The following DOK6 variants were observed in gnomAD, a reference collection of about 807,000 sequenced individuals.
The protein encoded by DOK6 is downstream of tyrosine kinase 6.
DOK6 carries 22 observed loss-of-function variants against 44.0 expected under a neutral mutation model. The observed-to-expected ratio is 0.50, with a 90% CI of 0.36 to 0.71. DOK6 has a LOEUF of 0.71. Among genes scored for constraint, DOK6 ranks in the 30% least tolerant of loss-of-function variants. The pLI, the probability that DOK6 is intolerant of heterozygous loss-of-function variation, is 0.00. For missense variants in DOK6, 340 were observed against 416.4 expected (o/e 0.82, Z 1.60); for synonymous variants, 166 against 145.5 (o/e 1.14, Z -1.01).
chr18:69,720,703 A>G (rs1440897924), intron 5 of DOK6, among the ~76,000 whole-genome samples: 1 of 152,192 alleles, frequency 6.6e-6, no homozygotes, highest in African/African-American at 2.4e-5. Flanking sequence ...TAGTGATTGT[A>G]TAATTTTGTC....
intron 3 of DOK6, chr18:69,660,264 G>T (rs758363947): frequency 6.6e-6 from 1 of 152,146 alleles, no homozygotes; most frequent in Non-Finnish European, 1.5e-5. Context: ...AACTCAGAAC[G>T]TTGACTTTAA....
At chr18:69,726,283 A>C (rs78550818) in intron 5 of DOK6, among the ~76,000 whole-genome samples, 4,718 of 151,936 alleles carry the variant, frequency 0.031, 134 homozygotes, top group East Asian at 0.087. Flanking sequence ...TTGAGTCATC[A>C]CTCTGGACTC....
chr18:69,767,195 G>C lies in DOK6; in HGVS notation c.856+9322G>C, dbSNP rs1979744115. 2.0e-5 allele frequency among the ~76,000 whole-genome samples: 3 copies of C among 152,084 alleles called. 1 individual carries two copies. The South Asian group carries it at 6.2e-4, about 32-fold the overall frequency. ...TGCAGTGAGCCAAGATTGCACCACT[G>C]CACTCCAGCCTGGGCGACAGAGTGA... On this transcript the variant is annotated intron_variant, in intron 7 of 7. Transcript: ENST00000382713.
intron 1 of DOK6, among the ~76,000 whole-genome samples, chr18:69,424,198 AG>A (rs1282026029): frequency 1.1e-4 from 17 of 152,200 alleles, no homozygotes; most frequent in South Asian, 1.0e-3. Context: ...TGCTGGGCAT[AG>A]GTTGGCCACA....
intron 7 of DOK6, among the ~76,000 whole-genome samples, chr18:69,805,910 C>A (rs908206374): frequency 6.6e-6 from 1 of 151,794 alleles, no homozygotes; most frequent in Admixed American, 6.6e-5. Flanking sequence ...ACAGTAAAGT[C>A]TATTATAATA....
chr18:69,655,784 C>A (rs12455622), intron 3 of DOK6, among the ~76,000 whole-genome samples: 8,987 of 44,572 alleles, frequency 0.2, 544 homozygotes, highest in African/African-American at 0.25. Flanking sequence ...AAAAAAAAAA[C>A]AAAAGAACAA....
At chr18:69,634,224 A>C (rs1004434740) in intron 3 of DOK6, among the ~76,000 whole-genome samples, 10 of 152,172 alleles carry the variant, frequency 6.6e-5, no homozygotes, top group Non-Finnish European at 1.3e-4. Flanking sequence ...ACCTAGGATT[A>C]TCTCTCAGTG....
intron 1 of DOK6, among the ~76,000 whole-genome samples, chr18:69,493,698 G>T (rs1980802410): frequency 6.6e-6 from 1 of 152,000 alleles, no homozygotes; most frequent in African/African-American, 2.4e-5. Flanking sequence ...TAAGAATTTT[G>T]ATATCTCCTA....
intron 5 of DOK6, among the ~76,000 whole-genome samples, chr18:69,713,479 A>G (rs886754225): frequency 2.0e-5 from 3 of 152,218 alleles, no homozygotes; most frequent in African/African-American, 7.2e-5. Flanking sequence ...CAACTCTCTT[A>G]ACACAAATAT....
chr18:69,704,436 G>A (rs576464932), intron 5 of DOK6, among the ~76,000 whole-genome samples: 1 of 151,306 alleles, frequency 6.6e-6, no homozygotes, highest in African/African-American at 2.4e-5. Flanking sequence ...AGAGTCTGCA[G>A]GCGATTTGTA....
intron 2 of DOK6, among the ~76,000 whole-genome samples, chr18:69,592,284 C>T (rs190413159): frequency 1.6e-3 from 243 of 150,562 alleles, no homozygotes; most frequent in Non-Finnish European, 2.0e-3. Context: ...GTCATGTCTA[C>T]AAAGAAGTGG....
chr18:69,418,996 C>A (rs1978412481), intron 1 of DOK6, among the ~76,000 whole-genome samples: 1 of 152,002 alleles, frequency 6.6e-6, no homozygotes, highest in Non-Finnish European at 1.5e-5. Flanking sequence ...TTTGCAGTTG[C>A]AGTTTAGTGT....
chr18:69,443,256 C>T (rs1979186013), intron 1 of DOK6, among the ~76,000 whole-genome samples: 1 of 152,098 alleles, frequency 6.6e-6, no homozygotes, highest in South Asian at 2.1e-4. Flanking sequence ...ATTTGACTAC[C>T]TGATGAAGGC....
intron 7 of DOK6, among the ~76,000 whole-genome samples, chr18:69,823,582 T>G (rs143512629): frequency 3.9e-5 from 6 of 151,936 alleles, no homozygotes; most frequent in Admixed American, 6.6e-5. Context: ...GAAGCACATT[T>G]CAAACCACAA....
intron 4 of DOK6, among the ~76,000 whole-genome samples, chr18:69,683,533 T>C (rs1359736743): frequency 1.3e-5 from 2 of 152,100 alleles, no homozygotes; most frequent in Admixed American, 1.3e-4. Context: ...GTGAAGATGA[T>C]GTGAAGATGC....
In DOK6 at chr18:69,482,882, TC is replaced by T. The variant is rs767545956; in HGVS notation, c.66+81573del. ...TGTTCTTTTAAAAATTATTTATTAT[TC>T]TTTTTATTTTTTTAACTTTTAAGTT... On this transcript the variant is annotated intron_variant, in intron 1 of 7. Transcript: ENST00000382713. Among the ~76,000 whole-genome samples, 27 of 152,134 alleles carry T rather than the reference TC, an allele frequency of 1.8e-4. 2 individuals carry two copies. Among genetic ancestry groups the T allele is most frequent in the African/African-American group, 5.1e-4 (21 of 41,500 alleles).
chr18:69,817,031 T>C (rs992087584), intron 7 of DOK6, among the ~76,000 whole-genome samples: 1 of 152,196 alleles, frequency 6.6e-6, no homozygotes, highest in Non-Finnish European at 1.5e-5. Context: ...AGTAGACACA[T>C]ACCTTCAATA....
chr18:69,700,084 A>G (rs529046079), intron 5 of DOK6, among the ~76,000 whole-genome samples: 1 of 152,088 alleles, frequency 6.6e-6, no homozygotes, highest in East Asian at 1.9e-4. Flanking sequence ...CATGGGAGGA[A>G]CTGCCCCCAT....
chr18:69,582,147 G>C (rs1462951701), intron 2 of DOK6, among the ~76,000 whole-genome samples: 2 of 152,198 alleles, frequency 1.3e-5, no homozygotes, highest in African/African-American at 2.4e-5. Context: ...GGAGCTTAAA[G>C]TCTGCCTTTG....
Sources: gnomAD v4.1 joint callset for allele counts (sites outside exome capture counted in the v4.1 genomes callset) on GRCh38, gnomAD v4.1.1 for gene constraint, MANE v1.5 for transcripts, NCBI Gene and HGNC (gene_info 2026-07-23, HGNC 2026-07-21) for gene names.